The following VAMP7 variants were observed in gnomAD, a reference collection of about 807,000 sequenced individuals.
VAMP7 encodes vesicle associated membrane protein 7.
VAMP7 carries 14 observed loss-of-function variants against 29.6 expected under a neutral mutation model. That is an observed-to-expected ratio of 0.47 (90% CI 0.31 to 0.74). The LOEUF (loss-of-function observed/expected upper bound fraction) is 0.74, where lower values mean the gene tolerates loss of function less well. Ranked by LOEUF, VAMP7 falls within the 30% of genes least tolerant of loss-of-function variation. The pLI is 0.05. For synonymous variants in VAMP7, 95 were observed against 88.1 expected (o/e 1.08, Z -0.44); for missense variants, 223 against 262.4 (o/e 0.85, Z 1.04).
intron 6 of VAMP7, among the ~76,000 whole-genome samples, chrX:155,933,389 T>C (rs1348073804): frequency 6.6e-6 from 1 of 152,206 alleles, no homozygotes; most frequent in Non-Finnish European, 1.5e-5. Flanking sequence ...GAGCCTGTTA[T>C]TGGTCTATTC....
chrX:155,894,301 GTTTTTT>G (rs1195549080), intron 2 of VAMP7, among the ~76,000 whole-genome samples: 1 of 64,888 alleles, frequency 1.5e-5, no homozygotes, highest in Non-Finnish European at 3.2e-5. Flanking sequence ...TGTGTCCTTT[GTTTTTT>G]TTTTTTTTTT....
At chrX:155,937,370 G>A (rs1187458560) in intron 6 of VAMP7, among the ~76,000 whole-genome samples, 1 of 152,132 alleles carries the variant, frequency 6.6e-6, no homozygotes, top group Non-Finnish European at 1.5e-5. Flanking sequence ...TAATAATAAT[G>A]TATTGAATAT....
rs1331421077 is a variant in VAMP7, at chrX:155,942,186, T to C, written c.*235T>C. 7 of 1,534,630 alleles carry C rather than the reference T, an allele frequency of 4.6e-6. No homozygotes were observed. In the Admixed American group the frequency reaches 6.2e-5, roughly 14 times the overall value. On this transcript the variant is annotated 3_prime_UTR_variant, in exon 8 of 8. Transcript: ENST00000286448. ...TGCAGCAGTAGCCTTAAAAAGGCTT[T>C]TGTTTATTTCTTTGGTTTGTTAACT...
Position 155,934,433 on chromosome X carries a change from TGATC to T in VAMP7, c.502-5267_502-5264del, listed in dbSNP as rs772925132. On this transcript the variant is annotated intron_variant, in intron 6 of 7. Transcript: ENST00000286448. Reference sequence around the variant, plus strand: ...GGATAGTTAGCTCTTCTTGTTGAATTGATCCCTTTACCATTATGTAATGGCCTTC... The same window carrying T: ...GGATAGTTAGCTCTTCTTGTTGAATTCCTTTACCATTATGTAATGGCCTTC... Among the ~76,000 whole-genome samples the T allele has an allele frequency of 3.0e-3, 459 of 152,352 alleles. 1 individual carries two copies. The highest frequency in any genetic ancestry group is 0.011 in the African/African-American group (441 of 41,580).
intron 1 of VAMP7, among the ~76,000 whole-genome samples, chrX:155,882,934 C>T (rs2065820814): frequency 6.6e-6 from 1 of 152,194 alleles, no homozygotes; most frequent in Non-Finnish European, 1.5e-5. Flanking sequence ...CATAGGCTGA[C>T]ACCTGCATTC....
chrX:155,939,849 G>T, intron 7 of VAMP7, 56 bp downstream of exon 7: 1 of 1,349,566 alleles, frequency 7.4e-7, no homozygotes, highest in Non-Finnish European at 1.1e-6. Context: ...AAGAAATTAG[G>T]TACTAGAATT....
chrX:155,887,926 A>G (rs1429638818), intron 1 of VAMP7, among the ~76,000 whole-genome samples: 1 of 149,136 alleles, frequency 6.7e-6, no homozygotes, highest in Non-Finnish European at 1.5e-5. Context: ...TGACAGAGCA[A>G]GACCCTGTCT....
intron 2 of VAMP7, among the ~76,000 whole-genome samples, chrX:155,891,225 C>T (rs2065922084): frequency 6.6e-6 from 1 of 152,218 alleles, no homozygotes; most frequent in Admixed American, 6.5e-5. Flanking sequence ...AACTAAAACT[C>T]TGTTACTCTG....
chrX:155,897,859 TC>T (rs1253435525), intron 3 of VAMP7, among the ~76,000 whole-genome samples: 1 of 152,160 alleles, frequency 6.6e-6, no homozygotes, highest in Non-Finnish European at 1.5e-5. Context: ...GGTATCATTA[TC>T]TTCAGTTGTC....
chrX:155,934,205 G>T (rs1410442647), intron 6 of VAMP7, among the ~76,000 whole-genome samples: 11 of 152,194 alleles, frequency 7.2e-5, no homozygotes, highest in Admixed American at 7.2e-4. Context: ...TTCTGTAGAT[G>T]TCTGTTAGGT....
intron 6 of VAMP7, among the ~76,000 whole-genome samples, chrX:155,934,786 T>C (rs1603018960): frequency 1.3e-5 from 2 of 152,318 alleles, no homozygotes; most frequent in African/African-American, 4.8e-5. Flanking sequence ...ATGCAGTTTC[T>C]TCCTAGCCTT....
intron 2 of VAMP7, among the ~76,000 whole-genome samples, chrX:155,895,020 C>T (rs943158821): frequency 6.6e-6 from 1 of 152,134 alleles, no homozygotes; most frequent in African/African-American, 2.4e-5. Context: ...TTTGGCAAAT[C>T]TCCATTTCGT....
At chrX:155,882,693 G>C (rs1331448188) in intron 1 of VAMP7, among the ~76,000 whole-genome samples, 5 of 152,178 alleles carry the variant, frequency 3.3e-5, no homozygotes, top group Non-Finnish European at 7.4e-5. Flanking sequence ...TAGTTTGGTT[G>C]TGAAAATATT....
chrX:155,935,152 C>T (rs2066629645), intron 6 of VAMP7, among the ~76,000 whole-genome samples: 1 of 152,014 alleles, frequency 6.6e-6, no homozygotes, highest in African/African-American at 2.4e-5. Flanking sequence ...TTCATTTCAA[C>T]TTTGGTGATC....
intron 6 of VAMP7, among the ~76,000 whole-genome samples, chrX:155,934,844 G>T (rs1476705946): frequency 1.3e-5 from 2 of 150,458 alleles, no homozygotes; most frequent in African/African-American, 4.9e-5. Context: ...GGTATGTGTT[G>T]TTCCTTTCCA....
rs914968803 is a variant in VAMP7 at position 155,942,061 on chromosome X, A to C, written c.*110A>C. 8.8e-6 allele frequency: 14 copies of C among 1,594,390 alleles called. No homozygotes were observed. ...ACAGATGGTATCTGCCAGTCTCTTC[A>C]ACCCTCTTCTCACTTTTTAAAATCT... is the stretch of plus-strand genomic sequence containing the variant. On this transcript the variant is annotated 3_prime_UTR_variant, in exon 8 of 8. Transcript: ENST00000286448.
chrX:155,902,132 C>G lies in VAMP7; in HGVS notation c.433+1545C>G, dbSNP rs1381233736. Among the ~76,000 whole-genome samples the G allele has an allele frequency of 3.9e-5, 6 of 152,048 alleles. No homozygotes were observed. The East Asian group carries it at 1.2e-3, about 29-fold the overall frequency. On this transcript the variant is annotated intron_variant, in intron 5 of 7. Transcript: ENST00000286448. The stretch of plus-strand genomic sequence containing the variant: ...CCTAGGTATTTTATTCTCTTTGAAG[C>G]AACTGTGAATGGGAGTTCACTCATG...
chrX:155,900,443 T>C, intron 4 of VAMP7, 54 bp from the exon 5 acceptor site: 8 of 1,397,794 alleles, frequency 5.7e-6, no homozygotes, highest in Non-Finnish European at 6.9e-6. Flanking sequence ...TATTTTTGTT[T>C]TCCTATTGTA....
At chrX:155,889,004 C>T (rs1172520792) in intron 1 of VAMP7, among the ~76,000 whole-genome samples, 1 of 152,046 alleles carries the variant, frequency 6.6e-6, no homozygotes, top group African/African-American at 2.4e-5. Flanking sequence ...TAAATATAGG[C>T]TATTTTTATT....
Sources: allele counts gnomAD v4.1 joint callset (sites outside exome capture counted in the v4.1 genomes callset), GRCh38; gene constraint gnomAD v4.1.1; transcripts MANE v1.5; gene names NCBI Gene and HGNC (gene_info 2026-07-23, HGNC 2026-07-21).